The following TTC24 variants were observed in gnomAD, a reference collection of about 807,000 sequenced individuals.
TTC24 encodes the protein tetratricopeptide repeat domain 24, also known as tetratricopeptide repeat protein 24.
In TTC24, 54 loss-of-function variants were observed where a neutral mutation model predicts 63.3. The observed-to-expected ratio is 0.85, with a 90% CI of 0.69 to 1.07. The LOEUF (loss-of-function observed/expected upper bound fraction) is 1.07, where lower values mean the gene tolerates loss of function less well. Among genes scored for constraint, TTC24 ranks in the 50% least tolerant of loss-of-function variants. The pLI, the probability that TTC24 is intolerant of heterozygous loss-of-function variation, is 0.00. For missense variants in TTC24, 680 were observed against 730.5 expected (o/e 0.93, Z 0.80); for synonymous variants, 276 against 304.3 (o/e 0.91, Z 0.97).
Position 156,581,347 on chromosome 1 carries a change from T to C in TTC24, c.-4-14T>C. The stretch of plus-strand genomic sequence containing the variant: ...CAAGGCTGACATACTGAGCCCTCTG[T>C]TCCCCTTTGTCAGCCCTATGTCTTC... On this transcript the variant is annotated splice_polypyrimidine_tract_variant and intron_variant, in intron 1 of 10. Coordinates refer to ENST00000368236, the MANE Select transcript of TTC24 (RefSeq NM_001105669.4). 1 of 1,465,640 alleles carries C rather than the reference T, an allele frequency of 6.8e-7. No homozygotes were observed. 90.8% of individuals were successfully genotyped at this position (1,465,640 alleles called of 1,614,324 possible).
Position 156,583,475 on chromosome 1 carries a change from ACCTCTCC to A in TTC24, c.1152+29_1152+35del. 1 of 1,536,140 alleles carries A rather than the reference ACCTCTCC, an allele frequency of 6.5e-7. No homozygotes were observed. The highest frequency in any genetic ancestry group is 8.8e-7 in the Non-Finnish European group (1 of 1,136,348). On this transcript the variant is annotated intron_variant, in intron 5 of 10. Transcript: ENST00000368236. This position sits in a 1 kb window ranked among gnomAD's most constrained non-coding sequence, Gnocchi z 4.0. ...GGTGAGACCCCGCACACCGGAATCC[ACCTCTCC>A]CCTGCTATCCCTCTTCTGGCTGACA...
chr1:156,583,723 C>G lies in TTC24; in HGVS notation c.1153-74C>G. ...CCCCTCCCCCCTCCCTTTCCTGTTT[C>G]CTTCTTCCCCAACCCCCAGAGGACC... On this transcript the variant is annotated intron_variant, in intron 5 of 10. Transcript: ENST00000368236. This position sits in a 1 kb window ranked among gnomAD's most constrained non-coding sequence, Gnocchi z 4.0. 1.6e-6 allele frequency: 1 copy of G among 642,442 alleles called. No homozygotes were observed. The highest frequency in any genetic ancestry group is 2.7e-6 in the Non-Finnish European group (1 of 372,422). The allele number at this position is 642,442 out of a possible 1,614,324, so 39.8% of individuals were successfully genotyped here. A position where few individuals can be genotyped will look rare whatever the true frequency, so the allele number is the denominator to read the frequency against.
At position 156,582,047 on chromosome 1, in the gene TTC24, G is replaced by A. The variant is rs1677013385; in HGVS notation, c.683G>A (p.Arg228Lys). The A allele has an allele frequency of 2.0e-6, 3 of 1,473,662 alleles. No homozygotes were observed. Among genetic ancestry groups the A allele is most frequent in the Admixed American group, 2.7e-5 (1 of 36,958 alleles). The allele number at this position is 1,473,662 out of a possible 1,614,324, so 91.3% of individuals were successfully genotyped here. Reference sequence around the variant, plus strand: ...GAGAAAAGCCGGAGGCTTGCCGAGAGGAGCACTGAGAGGCGACTGCTGGGT... The same window carrying A: ...GAGAAAAGCCGGAGGCTTGCCGAGAAGAGCACTGAGAGGCGACTGCTGGGT... ...VLEKSRRLAERSTERRLLGHL... is the reference protein window; with the variant it reads ...VLEKSRRLAEKSTERRLLGHL... Residue 228 changes from arginine (R) to lysine (K), a missense_variant, in exon 2 of 11, where the codon AGG (arginine) becomes AAG (lysine). By Grantham distance (26) the Arg-to-Lys change is conservative. Coordinates refer to ENST00000368236, the MANE Select transcript of TTC24 (RefSeq NM_001105669.4).
At chr1:156,586,365 A>C (rs1677172934) in intron 10 of TTC24, 104 bp from the exon 11 acceptor site, 1 of 945,372 alleles carries the variant, frequency 1.1e-6, no homozygotes, top group Non-Finnish European at 1.6e-6. Flanking sequence ...CCACCAGCAG[A>C]GGTAAGGGCC....
Position 156,581,962 on chromosome 1 carries a change from G to A in TTC24, c.598G>A (p.Ala200Thr), listed in dbSNP as rs1248155742. Residue 200 changes from alanine (A) to threonine (T), a missense_variant, in exon 2 of 11, where the codon GCG becomes ACG. By Grantham distance (58) the Ala-to-Thr change is moderately conservative. Transcript: ENST00000368236. ...LRAAALALGAAAGCMLKSGRH... is the reference protein window; with the variant it reads ...LRAAALALGATAGCMLKSGRH... ...GGCCGCAGCCCTGGCACTGGGGGCT[G>A]CGGCAGGATGTATGCTGAAGAGTGG... 8.5e-6 allele frequency: 13 copies of A among 1,535,904 alleles called. No homozygotes were observed. In the South Asian group the frequency reaches 1.6e-4, roughly 19 times the overall value.
Position 156,584,958 on chromosome 1 carries a change from G to C in TTC24, c.1333G>C (p.Ala445Pro), listed in dbSNP as rs1293154727. The C allele has an allele frequency of 2.5e-6, 4 of 1,600,360 alleles. No individual in the cohort carries two copies. In the African/African-American group the frequency reaches 5.4e-5, roughly 21 times the overall value. The change falls in exon 7 of 11, where the codon GCA (alanine) becomes CCA (proline). Residue 445 changes from alanine to proline, a missense_variant. Transcript: ENST00000368236. The part of the protein sequence containing the change: ...GTPAKAGSST[A>P]GVQHRSSSGW... ...CCCAGCAAAGGCAGGAAGCAGCACAGCAGGTGTCCAGCACAGGTGAGGGTG... is the reference window on the plus strand; with the variant it reads ...CCCAGCAAAGGCAGGAAGCAGCACACCAGGTGTCCAGCACAGGTGAGGGTG...
chr1:156,583,972 G>C lies in TTC24; in HGVS notation c.1251+77G>C. 8.3e-7 allele frequency: 1 copy of C among 1,207,948 alleles called. No homozygotes were observed. Among genetic ancestry groups the C allele is most frequent in the Non-Finnish European group, 1.2e-6 (1 of 837,448 alleles). The allele number at this position is 1,207,948 out of a possible 1,614,324, so 74.8% of individuals were successfully genotyped here. Reference sequence around the variant, plus strand: ...GAAGGGGTTGGTGGTAAGCAGAGACGCTGTTCCCTGGGATGCTGCGCGCTT... The same window carrying C: ...GAAGGGGTTGGTGGTAAGCAGAGACCCTGTTCCCTGGGATGCTGCGCGCTT... On this transcript the variant is annotated intron_variant, in intron 6 of 10. Coordinates refer to ENST00000368236, the MANE Select transcript of TTC24 (RefSeq NM_001105669.4). The surrounding 1 kb of genome is among the most constrained non-coding windows in gnomAD (Gnocchi z 4.0).
intron 6 of TTC24, among the ~76,000 whole-genome samples, chr1:156,584,349 A>C (rs2102476039): frequency 6.6e-6 from 1 of 152,202 alleles, no homozygotes; most frequent in South Asian, 2.1e-4. Context: ...GTCTCTCTGT[A>C]CGATTCGTTG....
At chr1:156,585,626 C>T in intron 8 of TTC24, 87 bp from the exon 9 acceptor site, 1 of 942,798 alleles carries the variant, frequency 1.1e-6, no homozygotes, top group Non-Finnish European at 1.7e-6. Flanking sequence ...TACTCAATAG[C>T]ATCTCCCACA....
Position 156,583,712 on chromosome 1 carries a change from C to G in TTC24, c.1153-85C>G, listed in dbSNP as rs1346131241. 1.7e-5 allele frequency: 19 copies of G among 1,124,736 alleles called. No homozygotes were observed. Among genetic ancestry groups the G allele is most frequent in the Non-Finnish European group, 1.6e-5 (12 of 767,748 alleles). 69.7% of individuals were successfully genotyped at this position (1,124,736 alleles called of 1,614,324 possible). ...GAAACAAAGCCCCCCTCCCCCCTCCCTTTCCTGTTTCCTTCTTCCCCAACC... is the reference window on the plus strand; with the variant it reads ...GAAACAAAGCCCCCCTCCCCCCTCCGTTTCCTGTTTCCTTCTTCCCCAACC... On this transcript the variant is annotated intron_variant, in intron 5 of 10. Coordinates refer to ENST00000368236, the MANE Select transcript of TTC24 (RefSeq NM_001105669.4). The surrounding 1 kb of genome is among the most constrained non-coding windows in gnomAD (Gnocchi z 4.0).
At position 156,586,542 on chromosome 1, in the gene TTC24, A is replaced by G. The variant is rs1217332227; in HGVS notation, c.1741A>G (p.Ile581Val). 6.2e-7 allele frequency: 1 copy of G among 1,613,208 alleles called. No homozygotes were observed. Among genetic ancestry groups the G allele is most frequent in the Admixed American group, 1.7e-5 (1 of 59,954 alleles). ...ACCCATGGAGTCGGGCATCTGCACTATTGTGTGACCTCCCCCTGCCAGCCT... is the reference window on the plus strand; with the variant it reads ...ACCCATGGAGTCGGGCATCTGCACTGTTGTGTGACCTCCCCCTGCCAGCCT... ...RRPMESGICT[I>V]V Residue 581 changes from isoleucine to valine, a missense_variant, in exon 11 of 11, where the codon ATT (isoleucine) becomes GTT (valine). By Grantham distance (29) the Ile-to-Val change is conservative. Coordinates refer to ENST00000368236, the MANE Select transcript of TTC24 (RefSeq NM_001105669.4).
Position 156,583,514 on chromosome 1 carries a change from C to A in TTC24, c.1152+64C>A. Reference sequence around the variant, plus strand: ...ATCCCTCTTCTGGCTGACATTCCTGCCTTCACTCCTTGTCTTCTCCCCATC... The same window carrying A: ...ATCCCTCTTCTGGCTGACATTCCTGACTTCACTCCTTGTCTTCTCCCCATC... On this transcript the variant is annotated intron_variant, in intron 5 of 10. Transcript: ENST00000368236. The surrounding 1 kb of genome is among the most constrained non-coding windows in gnomAD (Gnocchi z 4.0). 3 of 1,320,366 alleles carry A rather than the reference C, an allele frequency of 2.3e-6. No homozygotes were observed. Among genetic ancestry groups the A allele is most frequent in the Non-Finnish European group, 3.1e-6 (3 of 959,922 alleles). 81.8% of individuals were successfully genotyped at this position (1,320,366 alleles called of 1,614,324 possible).
At position 156,585,512 on chromosome 1, in the gene TTC24, CT is replaced by C. The variant is rs1033468995; in HGVS notation, c.1457-198del. On this transcript the variant is annotated intron_variant, in intron 8 of 10. Coordinates refer to ENST00000368236, the MANE Select transcript of TTC24 (RefSeq NM_001105669.4). The stretch of plus-strand genomic sequence containing the variant: ...TCCCTCTTCCTTCCTGCTCTCATGG[CT>C]TTCCTAACTTCTAGAACTTTGCATC... 1.5e-4 allele frequency: 91 copies of C among 610,112 alleles called. 1 individual carries two copies. In the African/African-American group the frequency reaches 1.6e-3, roughly 11 times the overall value. 37.8% of individuals were successfully genotyped at this position (610,112 alleles called of 1,614,324 possible). A position where few individuals can be genotyped will look rare whatever the true frequency, so the allele number is the denominator to read the frequency against.
intron 1 of TTC24, among the ~76,000 whole-genome samples, 161 bp downstream of exon 1, chr1:156,579,919 AG>A (rs1676948114): frequency 6.6e-6 from 1 of 152,224 alleles, no homozygotes; most frequent in African/African-American, 2.4e-5. Flanking sequence ...CTCCTAAAAA[AG>A]GGGAAAAAAA....
chr1:156,583,873 G>C lies in TTC24; in HGVS notation c.1229G>C (p.Gly410Ala), dbSNP rs776669815. Residue 410 changes from glycine (G) to alanine (A), a missense_variant, in exon 6 of 11, where the codon GGG becomes GCG. Gly to Ala is a moderately conservative substitution (Grantham distance 60). Coordinates refer to ENST00000368236, the MANE Select transcript of TTC24 (RefSeq NM_001105669.4). The surrounding 1 kb of genome is among the most constrained non-coding windows in gnomAD (Gnocchi z 4.0). ...GTGAGGACGCGCTTGGCCCAGGTGG[G>C]GCTGGTCCAGACTCACACCCTGGTG... ...DTVRTRLAQV[G>A]LVQTHTLTSA... 1.3e-6 allele frequency: 2 copies of C among 1,582,430 alleles called. No homozygotes were observed. Among genetic ancestry groups the C allele is most frequent in the South Asian group, 2.3e-5 (2 of 85,990 alleles).
Position 156,584,921 on chromosome 1 carries a change from G to A in TTC24, c.1296G>A (p.Gln432=). ...TCCAGGCTCCAGGTGGGGCCAGCCAGGCGGAGGGGACCCCAGCAAAGGCAG... is the reference window on the plus strand; with the variant it reads ...TCCAGGCTCCAGGTGGGGCCAGCCAAGCGGAGGGGACCCCAGCAAAGGCAG... ...GRLQAPGGAS[Q]AEGTPAKAGS... The change falls in exon 7 of 11, where the codon CAG becomes CAA. Residue 432 remains glutamine, a synonymous_variant. Coordinates refer to ENST00000368236, the MANE Select transcript of TTC24 (RefSeq NM_001105669.4). 1 of 1,603,182 alleles carries A rather than the reference G, an allele frequency of 6.2e-7. No individual in the cohort carries two copies. The highest frequency in any genetic ancestry group is 1.3e-5 in the African/African-American group (1 of 74,726).
intron 6 of TTC24, 140 bp downstream of exon 6, chr1:156,584,035 A>G: frequency 1.6e-6 from 1 of 644,970 alleles, no homozygotes; most frequent in Non-Finnish European, 2.8e-6. Flanking sequence ...GAGCCTGCGC[A>G]TGAGATATAT....
In TTC24 at chr1:156,583,796, G is replaced by A. The variant is rs1677074378; in HGVS notation, c.1153-1G>A. The A allele has an allele frequency of 1.3e-6, 2 of 1,578,058 alleles. No individual in the cohort carries two copies. The highest frequency in any genetic ancestry group is 1.8e-5 in the Admixed American group (1 of 54,596). On this transcript the variant is annotated splice_acceptor_variant, in intron 5 of 10. Transcript: ENST00000368236. LOFTEE classifies it high-confidence loss of function. The surrounding 1 kb of genome is among the most constrained non-coding windows in gnomAD (Gnocchi z 4.0). The stretch of plus-strand genomic sequence containing the variant: ...TACCCTATTATCCACCCTCTTCCCA[G>A]AAGGAGCCAGATTCTGTGCGAGAAC...
chr1:156,581,887 C>G lies in TTC24; in HGVS notation c.523C>G (p.His175Asp). ...TCTGGGACAGCCTGAGCTAGCAGCCCACTGCCTGCAGGAAGCAAGCCAGGC... is the reference window on the plus strand; with the variant it reads ...TCTGGGACAGCCTGAGCTAGCAGCCGACTGCCTGCAGGAAGCAAGCCAGGC... ...QALGQPELAA[H>D]CLQEASQAYA... The change falls in exon 2 of 11, where the codon CAC becomes GAC. Residue 175 changes from histidine to aspartate, a missense_variant. His to Asp is a moderately conservative substitution (Grantham distance 81, BLOSUM62 -1). Transcript: ENST00000368236. The G allele has an allele frequency of 6.5e-7, 1 of 1,547,618 alleles. No homozygotes were observed. The highest frequency in any genetic ancestry group is 8.7e-7 in the Non-Finnish European group (1 of 1,144,566).
Sources: allele counts gnomAD v4.1 joint callset (sites outside exome capture counted in the v4.1 genomes callset), GRCh38; gene constraint gnomAD v4.1.1; non-coding constraint Gnocchi (gnomAD v3.1); transcripts MANE v1.5; gene names NCBI Gene and HGNC (gene_info 2026-07-23, HGNC 2026-07-21).